The following STARD13 variants were observed in gnomAD, a reference collection of about 807,000 sequenced individuals.
The protein encoded by STARD13 is stAR-related lipid transfer protein 13.
Under a neutral mutation model 106.4 loss-of-function variants are expected in STARD13, and 62 were observed. That is an observed-to-expected ratio of 0.58 (90% CI 0.48 to 0.72). The LOEUF (loss-of-function observed/expected upper bound fraction) is 0.72, where lower values mean the gene tolerates loss of function less well. STARD13 is among the 30% of genes least tolerant of loss of function. The pLI, the probability that STARD13 is intolerant of heterozygous loss-of-function variation, is 0.00. For missense variants in STARD13, 1,387 were observed against 1,424.0 expected, an observed-to-expected ratio of 0.97 and a Z score of 0.42; for synonymous variants, 565 against 553.0, an observed-to-expected ratio of 1.02 and a Z score of -0.31.
At chr13:33,546,763 C>T in the STARD13 span, among the ~76,000 whole-genome samples, 1 of 152,104 alleles carries the variant, frequency 6.6e-6, no homozygotes, top group East Asian at 1.9e-4. Flanking sequence ...CCTGCCTCAG[C>T]TTCCTGAGTA....
chr13:33,213,585 T>C (rs1318040148), intron 1 of STARD13, among the ~76,000 whole-genome samples: 1 of 152,208 alleles, frequency 6.6e-6, no homozygotes, highest in Non-Finnish European at 1.5e-5. Context: ...GTTCTGGCAT[T>C]CAACAGCCGC....
intron 1 of STARD13, among the ~76,000 whole-genome samples, chr13:33,233,874 G>A (rs550082446): frequency 5.2e-4 from 79 of 152,252 alleles, no homozygotes; most frequent in African/African-American, 1.3e-3. Flanking sequence ...GTCAGCAGCC[G>A]GAGCAGCCAG....
chr13:33,180,508 GA>G (rs1203074142), intron 1 of STARD13: 1 of 152,184 alleles, frequency 6.6e-6, no homozygotes, highest in African/African-American at 2.4e-5. Context: ...TCCATGTTAT[GA>G]GAAAAAATCT....
chr13:33,562,367 C>T, the STARD13 span, among the ~76,000 whole-genome samples: 29 of 146,766 alleles, frequency 2.0e-4, 4 homozygotes, highest in African/African-American at 7.4e-4. Context: ...ACATTTTTCT[C>T]TTTGCCTAGA....
the STARD13 span, among the ~76,000 whole-genome samples, chr13:33,550,929 C>T: frequency 2.6e-5 from 4 of 152,206 alleles, no homozygotes; most frequent in African/African-American, 9.7e-5. Flanking sequence ...AAGACATTTT[C>T]CACTTATACC....
the STARD13 span, among the ~76,000 whole-genome samples, chr13:33,638,642 T>C: frequency 6.6e-6 from 1 of 152,198 alleles, no homozygotes; most frequent in East Asian, 1.9e-4. Flanking sequence ...AAAAGTCTTT[T>C]CTATCAGTCT....
At chr13:33,592,318 T>TTACTATATTATACAATTA in the STARD13 span, among the ~76,000 whole-genome samples, 1 of 152,226 alleles carries the variant, frequency 6.6e-6, no homozygotes, top group African/African-American at 2.4e-5. Context: ...AGTTTTCAAG[T>TTACTATATTATACAATTA]TACTATATTG....
the STARD13 span, among the ~76,000 whole-genome samples, chr13:33,633,533 T>G: frequency 6.6e-6 from 1 of 152,262 alleles, no homozygotes; most frequent in Admixed American, 6.5e-5. Flanking sequence ...AGATTGCATC[T>G]GCAGCTTCCT....
At chr13:33,616,003 TG>T in the STARD13 span, among the ~76,000 whole-genome samples, 2 of 152,216 alleles carry the variant, frequency 1.3e-5, no homozygotes, top group Admixed American at 6.5e-5. Flanking sequence ...TTGTATAATT[TG>T]TATTATTTAT....
At chr13:33,176,352 C>A (rs576423340) in intron 1 of STARD13, among the ~76,000 whole-genome samples, 5 of 152,236 alleles carry the variant, frequency 3.3e-5, no homozygotes, top group African/African-American at 1.2e-4. Flanking sequence ...TTTCTGGAAC[C>A]CTTTCTACTT....
chr13:33,430,338 T>C, the STARD13 span, among the ~76,000 whole-genome samples: 29 of 152,334 alleles, frequency 1.9e-4, no homozygotes, highest in Admixed American at 1.9e-3. Flanking sequence ...TCTATCAAAA[T>C]ACCTCATGTA....
chr13:33,217,543 G>T (rs1189848815), intron 1 of STARD13, among the ~76,000 whole-genome samples: 1 of 152,192 alleles, frequency 6.6e-6, no homozygotes, highest in Non-Finnish European at 1.5e-5. Context: ...CACAGGGGAA[G>T]GGGGCCTTAG....
At chr13:33,557,001 T>C in the STARD13 span, among the ~76,000 whole-genome samples, 5 of 152,268 alleles carry the variant, frequency 3.3e-5, no homozygotes, top group African/African-American at 4.8e-5. Flanking sequence ...ATTCACCAGT[T>C]TGAAAAAAGC....
chr13:33,640,199 A>G, the STARD13 span, among the ~76,000 whole-genome samples: 1 of 152,216 alleles, frequency 6.6e-6, no homozygotes, highest in Non-Finnish European at 1.5e-5. Flanking sequence ...ATCTCTACAC[A>G]GCAGGTTGTG....
Position 33,185,676 on chromosome 13 carries a change from C to T in STARD13, c.170-18054G>A, listed in dbSNP as rs74406134. Among the ~76,000 whole-genome samples the T allele has an allele frequency of 7.8e-3, 1,192 of 152,322 alleles. 25 individuals are homozygous for T. Among genetic ancestry groups the T allele is most frequent in the African/African-American group, 0.027 (1,130 of 41,566 alleles). On this transcript the variant is annotated intron_variant, in intron 1 of 13. Transcript: ENST00000336934. ...TCCCTATAGGCAATTTTCCCACTGT[C>T]TAGAATGACATTCTTCTTCTGCTTT...
At chr13:33,385,472 A>C in the STARD13 span, among the ~76,000 whole-genome samples, 5 of 147,248 alleles carry the variant, frequency 3.4e-5, no homozygotes, top group Non-Finnish European at 6.1e-5. Context: ...AATGGTAAAA[A>C]AAAAAAAAAA....
chr13:33,654,219 A>C, the STARD13 span, among the ~76,000 whole-genome samples: 2 of 152,232 alleles, frequency 1.3e-5, no homozygotes, highest in African/African-American at 2.4e-5. Context: ...TAATAGCCCA[A>C]AGAGTAAACA....
the STARD13 span, among the ~76,000 whole-genome samples, chr13:33,674,190 C>T: frequency 6.6e-6 from 1 of 152,284 alleles, no homozygotes; most frequent in Non-Finnish European, 1.5e-5. Context: ...TCATATTCCT[C>T]ACTGTCTTAG....
At chr13:33,466,433 A>T in the STARD13 span, among the ~76,000 whole-genome samples, 1 of 152,148 alleles carries the variant, frequency 6.6e-6, no homozygotes, top group African/African-American at 2.4e-5. Context: ...TAGTTTCAAT[A>T]TTCTCCCTCA....
Sources: allele counts gnomAD v4.1 joint callset (sites outside exome capture counted in the v4.1 genomes callset), GRCh38; gene constraint gnomAD v4.1.1; transcripts MANE v1.5; gene names NCBI Gene and HGNC (gene_info 2026-07-23, HGNC 2026-07-21).